The following PRKG1 variants were observed in gnomAD, a reference collection of about 807,000 sequenced individuals.
PRKG1 encodes protein kinase cGMP-dependent 1, also known as cGMP-dependent protein kinase 1.
PRKG1 carries 35 observed loss-of-function variants against 88.1 expected under a neutral mutation model. The observed-to-expected ratio is 0.40, with a 90% CI of 0.30 to 0.53. The LOEUF (loss-of-function observed/expected upper bound fraction) is 0.53, where lower values mean the gene tolerates loss of function less well. PRKG1 is among the 20% of genes least tolerant of loss of function. The pLI is 0.59. For missense variants in PRKG1, 540 were observed against 839.8 expected (o/e 0.64, Z 4.41); for synonymous variants, 303 against 292.5 (o/e 1.04, Z -0.37).
At chr10:51,061,060 G>GGGGTGTGTGTGT (rs1491449534) in intron 1 of PRKG1, among the ~76,000 whole-genome samples, 75 of 147,160 alleles carry the variant, frequency 5.1e-4, no homozygotes, top group East Asian at 1.8e-3. Flanking sequence ...TATACCTAGG[G>GGGGTGTGTGTGT]GTGTGTGTGT....
intron 4 of PRKG1, among the ~76,000 whole-genome samples, chr10:51,865,526 A>G (rs1280956397): frequency 6.6e-6 from 1 of 152,086 alleles, no homozygotes; most frequent in East Asian, 1.9e-4. Flanking sequence ...TCTTTTCCTG[A>G]TTCTGACCTT....
At chr10:51,277,404 C>T (rs925358009) in intron 2 of PRKG1, among the ~76,000 whole-genome samples, 19 of 152,276 alleles carry the variant, frequency 1.2e-4, no homozygotes, top group Middle Eastern at 3.4e-3. Context: ...ATGATCCCTC[C>T]GGCTTTGTTC....
intron 1 of PRKG1, among the ~76,000 whole-genome samples, chr10:51,003,743 G>A (rs755844138): frequency 1.3e-4 from 20 of 152,202 alleles, no homozygotes; most frequent in African/African-American, 4.6e-4. Context: ...GTATGTTTCC[G>A]TAAATCTTTA....
chr10:52,265,349 G>T (rs1433187825), intron 10 of PRKG1, among the ~76,000 whole-genome samples: 1 of 152,058 alleles, frequency 6.6e-6, no homozygotes, highest in African/African-American at 2.4e-5. Flanking sequence ...GCATAATAAT[G>T]AGTCATGTGA....
chr10:51,111,180 TGCAGTAGGTGG>T (rs756022737), intron 1 of PRKG1, among the ~76,000 whole-genome samples: 5 of 152,174 alleles, frequency 3.3e-5, no homozygotes, highest in Non-Finnish European at 4.4e-5. Context: ...TACTACTTTA[TGCAGTAGGTGG>T]GCAGTAAAGA....
At position 51,323,502 on chromosome 10, in the gene PRKG1, G is replaced by A. The variant is rs528948841; in HGVS notation, c.479-144221G>A. Among the ~76,000 whole-genome samples the A allele has an allele frequency of 1.2e-4, 18 of 152,246 alleles. No homozygotes were observed. In the South Asian group the frequency reaches 3.7e-3, roughly 32 times the overall value. On this transcript the variant is annotated intron_variant, in intron 2 of 17. Coordinates refer to ENST00000373980, the MANE Select transcript of PRKG1 (RefSeq NM_006258.4). ...CCTCATTTTTCCCATCTGCAAAATG[G>A]AAGTAATAACTGCAATAGATTAATG...
At chr10:51,459,092 A>C (rs1268881533) in intron 2 of PRKG1, among the ~76,000 whole-genome samples, 1 of 152,084 alleles carries the variant, frequency 6.6e-6, no homozygotes, top group Non-Finnish European at 1.5e-5. Flanking sequence ...TAATTTGCAC[A>C]ATTACTCCAA....
intron 5 of PRKG1, chr10:51,908,736 T>TATCTATCTA (rs1564703535): frequency 2.3e-5 from 3 of 127,780 alleles, no homozygotes; most frequent in African/African-American, 8.5e-5. Flanking sequence ...TATATGTAAT[T>TATCTATCTA]TTTTTTTTTT....
intron 1 of PRKG1, among the ~76,000 whole-genome samples, chr10:51,058,245 CT>C (rs1843654605): frequency 6.6e-6 from 1 of 152,014 alleles, no homozygotes; most frequent in East Asian, 1.9e-4. Context: ...CCGACTTAAC[CT>C]TTTTGCTAAT....
At chr10:51,424,847 C>T (rs1490276490) in intron 2 of PRKG1, among the ~76,000 whole-genome samples, 2 of 152,072 alleles carry the variant, frequency 1.3e-5, no homozygotes, top group Non-Finnish European at 2.9e-5. Context: ...TTTTAATACC[C>T]CAGAAAGATT....
chr10:51,099,130 T>C (rs1412265113), intron 1 of PRKG1, among the ~76,000 whole-genome samples: 1 of 152,140 alleles, frequency 6.6e-6, no homozygotes, highest in African/African-American at 2.4e-5. Context: ...TGTGAACCCT[T>C]GTCTCAGGAT....
intron 3 of PRKG1, among the ~76,000 whole-genome samples, chr10:51,702,369 C>T (rs189567527): frequency 8.1e-4 from 123 of 152,302 alleles, no homozygotes; most frequent in Non-Finnish European, 2.9e-5. Context: ...TTATTGTTAA[C>T]TCAATGTCCC....
intron 3 of PRKG1, among the ~76,000 whole-genome samples, chr10:51,650,972 C>T (rs961094644): frequency 6.6e-6 from 1 of 152,150 alleles, no homozygotes; most frequent in South Asian, 2.1e-4. Flanking sequence ...TTGTACCCTC[C>T]AGGAGACTTG....
chr10:51,241,638 G>T (rs546797689), intron 2 of PRKG1, among the ~76,000 whole-genome samples: 8 of 152,160 alleles, frequency 5.3e-5, no homozygotes, highest in Non-Finnish European at 1.2e-4. Flanking sequence ...GACAGCATAT[G>T]TCACAATTCA....
chr10:52,244,802 T>TTAGATATATTTAAATATA (rs1840971994), intron 9 of PRKG1, among the ~76,000 whole-genome samples: 1 of 143,340 alleles, frequency 7.0e-6, no homozygotes, highest in South Asian at 2.1e-4. Flanking sequence ...AAATATATAT[T>TTAGATATATTTAAATATA]TAGATATATT....
chr10:51,348,193 A>G (rs1192279669), intron 2 of PRKG1, among the ~76,000 whole-genome samples: 2 of 152,124 alleles, frequency 1.3e-5, no homozygotes, highest in Admixed American at 6.5e-5. Flanking sequence ...ACTTACACCA[A>G]AGGCCACTTA....
chr10:51,618,464 T>A (rs1839121301), intron 3 of PRKG1, among the ~76,000 whole-genome samples: 2 of 152,186 alleles, frequency 1.3e-5, no homozygotes, highest in African/African-American at 4.8e-5. Context: ...ATTGTCATTG[T>A]CATCATCATC....
chr10:51,076,018 A>G (rs1457083897), intron 1 of PRKG1, among the ~76,000 whole-genome samples: 1 of 152,252 alleles, frequency 6.6e-6, no homozygotes, highest in Admixed American at 6.5e-5. Flanking sequence ...TAATAATGCA[A>G]GGTCCATCGA....
chr10:52,181,046 C>A (rs1315695409), intron 9 of PRKG1, among the ~76,000 whole-genome samples: 1 of 152,154 alleles, frequency 6.6e-6, no homozygotes, highest in African/African-American at 2.4e-5. Flanking sequence ...CTATCAGGGG[C>A]AGCCAATAAG....
Sources: gnomAD v4.1 joint callset for allele counts (sites outside exome capture counted in the v4.1 genomes callset) on GRCh38, gnomAD v4.1.1 for gene constraint, MANE v1.5 for transcripts, NCBI Gene and HGNC (gene_info 2026-07-23, HGNC 2026-07-21) for gene names.